ADD3: variants seen among roughly 807,000 people sequenced by gnomAD.
ADD3 encodes the protein gamma-adducin.
In ADD3, 25 loss-of-function variants were observed where a neutral mutation model predicts 80.2. The ratio of observed to expected loss-of-function variants is 0.31; its 90% CI spans 0.23 to 0.44. ADD3 has a LOEUF of 0.44. ADD3 is among the 20% of genes least tolerant of loss of function. ADD3 has a pLI of 1.00. For synonymous variants in ADD3, 284 were observed against 289.6 expected, an observed-to-expected ratio of 0.98 and a Z score of 0.20; for missense variants, 829 against 847.5, an observed-to-expected ratio of 0.98 and a Z score of 0.27.
intron 14 of ADD3, among the ~76,000 whole-genome samples, 200 bp from the exon 15 acceptor site, chr10:110,133,126 C>G (rs1853266788): frequency 6.6e-6 from 1 of 152,124 alleles, no homozygotes; most frequent in South Asian, 2.1e-4. Context: ...TTTGGTTTAA[C>G]AACTTTGTTC....
chr10:110,110,469 A>G lies in ADD3; in HGVS notation c.196-2308A>G, dbSNP rs139200125. On this transcript the variant is annotated intron_variant, in intron 2 of 14. Coordinates refer to ENST00000356080, the MANE Select transcript of ADD3 (RefSeq NM_016824.5). ...GTTGACTCAGATGTTTGTGCAGGCC[A>G]CCACAGTGCATCAGGGAGGGATCTT... Among the ~76,000 whole-genome samples the G allele has an allele frequency of 3.0e-3, 464 of 152,294 alleles. 2 individuals carry two copies. The highest frequency in any genetic ancestry group is 5.8e-3 in the Admixed American group (89 of 15,296).
intron 1 of ADD3, among the ~76,000 whole-genome samples, chr10:110,026,507 C>T (rs541195394): frequency 5.9e-5 from 9 of 151,956 alleles, no homozygotes; most frequent in African/African-American, 2.2e-4. Context: ...CTTGAACTCC[C>T]GACCTCAGGT....
chr10:110,000,546 A>C (rs1851465369), intron 1 of ADD3, among the ~76,000 whole-genome samples: 1 of 152,242 alleles, frequency 6.6e-6, no homozygotes. Flanking sequence ...TAAAATAGGG[A>C]AATTATTACA....
At chr10:110,049,284 A>C (rs1404676218) in intron 1 of ADD3, among the ~76,000 whole-genome samples, 1 of 152,144 alleles carries the variant, frequency 6.6e-6, no homozygotes, top group East Asian at 1.9e-4. Flanking sequence ...AACCTCTGCT[A>C]GAGCAGTGCA....
At chr10:110,038,899 G>A (rs541702496) in intron 1 of ADD3, among the ~76,000 whole-genome samples, 78 of 152,236 alleles carry the variant, frequency 5.1e-4, no homozygotes, top group Middle Eastern at 6.8e-3. Flanking sequence ...TTAGAAAGAT[G>A]TTACAGTAAA....
intron 1 of ADD3, among the ~76,000 whole-genome samples, chr10:110,038,985 T>G (rs1178412788): frequency 6.6e-6 from 1 of 152,238 alleles, no homozygotes; most frequent in East Asian, 1.9e-4. Flanking sequence ...GATACCTTTA[T>G]GTGTGTTTGG....
rs537761621 is a variant in ADD3, at chr10:110,085,718, A to G, written c.-29-14907A>G. Among the ~76,000 whole-genome samples the G allele has an allele frequency of 1.7e-3, 254 of 152,334 alleles. 1 individual carries two copies. Among genetic ancestry groups the G allele is most frequent in the Non-Finnish European group, 3.1e-3 (208 of 68,026 alleles). On this transcript the variant is annotated intron_variant, in intron 1 of 14. Transcript: ENST00000356080. ...CCTAGGGTTCAGGCATAGACCTTCA[A>G]TTGTAAAAGTATTTGAAGTTACCTG...
chr10:110,016,600 A>G (rs1163222131), intron 1 of ADD3: 1 of 152,232 alleles, frequency 6.6e-6, no homozygotes, highest in African/African-American at 2.4e-5. Flanking sequence ...ATCAGCAAAC[A>G]AATCATTTGC....
At chr10:110,111,690 C>T (rs902437958) in intron 2 of ADD3, among the ~76,000 whole-genome samples, 2 of 152,090 alleles carry the variant, frequency 1.3e-5, no homozygotes, top group African/African-American at 2.4e-5. Context: ...CAGAGGTGGG[C>T]GGATCACCTG....
intron 1 of ADD3, among the ~76,000 whole-genome samples, chr10:110,033,979 A>G (rs1855348709): frequency 6.6e-6 from 1 of 152,204 alleles, no homozygotes; most frequent in Non-Finnish European, 1.5e-5. Flanking sequence ...ACCTTAGCAT[A>G]GCAAAGACTG....
intron 2 of ADD3, among the ~76,000 whole-genome samples, chr10:110,109,414 A>G (rs562699523): frequency 1.3e-5 from 2 of 152,030 alleles, no homozygotes; most frequent in Non-Finnish European, 2.9e-5. Flanking sequence ...TTTTCTCTTC[A>G]GCTTTATTTT....
In ADD3 at chr10:110,026,641, T is replaced by A. The variant is rs993095377; in HGVS notation, c.-30+18342T>A. ...TACAAGGTCAAGGTACTTGAGAATT[T>A]TTGGATTTAATGTTTTACATTGGTT... On this transcript the variant is annotated intron_variant, in intron 1 of 14. Transcript: ENST00000356080. Among the ~76,000 whole-genome samples the A allele has an allele frequency of 1.8e-4, 27 of 152,172 alleles. 1 individual carries two copies. The highest frequency in any genetic ancestry group is 1.8e-3 in the Admixed American group (27 of 15,278).
intron 4 of ADD3, 118 bp downstream of exon 4, chr10:110,116,528 T>C (rs1378386190): frequency 2.9e-6 from 3 of 1,025,824 alleles, no homozygotes; most frequent in African/African-American, 1.6e-5. Flanking sequence ...CCTAGTATGC[T>C]AGATCACAAC....
At chr10:110,055,289 C>A (rs2133438392) in intron 1 of ADD3, among the ~76,000 whole-genome samples, 2 of 152,242 alleles carry the variant, frequency 1.3e-5, no homozygotes, top group Middle Eastern at 6.8e-3. Context: ...GTAAAGCAGT[C>A]TGTTTACATA....
intron 2 of ADD3, among the ~76,000 whole-genome samples, chr10:110,109,676 A>T (rs1389081578): frequency 6.6e-6 from 1 of 152,336 alleles, no homozygotes; most frequent in East Asian, 1.9e-4. Context: ...TGAAGGGAAG[A>T]TAGAGTTCCA....
intron 1 of ADD3, among the ~76,000 whole-genome samples, chr10:110,088,350 T>C (rs1253711734): frequency 1.3e-5 from 2 of 152,228 alleles, no homozygotes; most frequent in African/African-American, 4.8e-5. Flanking sequence ...TTTCTGAAAT[T>C]GATAAAAATC....
Position 110,135,546 on chromosome 10 carries a change from TA to T in ADD3, c.*1931del, listed in dbSNP as rs1853541333. 1 of 152,590 alleles carries T rather than the reference TA, an allele frequency of 6.6e-6. No homozygotes were observed. Among genetic ancestry groups the T allele is most frequent in the South Asian group, 2.1e-4 (1 of 4,836 alleles). The allele number at this position is 152,590 out of a possible 1,614,324, so 9.5% of individuals were successfully genotyped here. Reference sequence around the variant, plus strand: ...ATGCTAATTAATGTTAAATCACAAATAAACAGTATTTTAAATATACGGACTT... The same window carrying T: ...ATGCTAATTAATGTTAAATCACAAATAACAGTATTTTAAATATACGGACTT... On this transcript the variant is annotated 3_prime_UTR_variant, in exon 15 of 15. Transcript: ENST00000356080.
chr10:110,027,958 T>G lies in ADD3; in HGVS notation c.-30+19659T>G, dbSNP rs2225363. ...AGGAGAGCTTGGGTAGAAAAGGTTG[T>G]GGGGGGAAGAAAAGTTGGGACAGGT... On this transcript the variant is annotated intron_variant, in intron 1 of 14. Transcript: ENST00000356080. 6.3e-3 allele frequency among the ~76,000 whole-genome samples: 955 copies of G among 152,218 alleles called. 12 individuals carry two copies. The highest frequency in any genetic ancestry group is 0.018 in the African/African-American group (751 of 41,514).
chr10:110,094,888 T>C (rs1847977340), intron 1 of ADD3, among the ~76,000 whole-genome samples: 1 of 152,250 alleles, frequency 6.6e-6, no homozygotes, highest in Admixed American at 6.5e-5. Context: ...CTTTGATTAT[T>C]CTTTGAAGTG....
Sources: allele counts gnomAD v4.1 joint callset (sites outside exome capture counted in the v4.1 genomes callset), GRCh38; gene constraint gnomAD v4.1.1; transcripts MANE v1.5; gene names NCBI Gene and HGNC (gene_info 2026-07-23, HGNC 2026-07-21).